SDF4: variants seen among roughly 807,000 people sequenced by gnomAD.
SDF4 encodes 45 kDa calcium-binding protein.
In SDF4, 22 loss-of-function variants were observed where a neutral mutation model predicts 34.2. That is an observed-to-expected ratio of 0.64 (90% confidence interval 0.46 to 0.92). SDF4 has a LOEUF of 0.92. Among genes scored for constraint, SDF4 ranks in the 40% least tolerant of loss-of-function variants. The probability of loss-of-function intolerance (pLI) is 0.00; values close to 1 mark genes in which losing one functional copy is unlikely to be tolerated. For synonymous variants in SDF4, 236 were observed against 203.1 expected, an observed-to-expected ratio of 1.16 and a Z score of -1.38; for missense variants, 447 against 499.9, an observed-to-expected ratio of 0.89 and a Z score of 1.01.
In SDF4 at chr1:1,218,773, G is replaced by C. The variant is rs767139414; in HGVS notation, c.711C>G (p.Asp237Glu). The C allele has an allele frequency of 9.9e-6, 16 of 1,612,196 alleles. No homozygotes were observed. Among genetic ancestry groups the C allele is most frequent in the South Asian group, 2.2e-5 (2 of 91,050 alleles). The change falls in exon 5 of 7, where the codon GAC becomes GAG. Residue 237 changes from aspartate to glutamate, a missense_variant. Asp to Glu is a conservative substitution (Grantham distance 45, BLOSUM62 2). Transcript: ENST00000360001. The surrounding 1 kb of genome is among the most constrained non-coding windows in gnomAD (Gnocchi z 7.9). ...LRFMVKEIVR[D>E]LDQDGDKQLS... ...CCAGGCTGGACCCAGCCTCACCCAG[G>C]TCCCGGACGATCTCCTTCACCATGA...
chr1:1,220,208 TG>T (rs1261297946), intron 4 of SDF4: 11 of 992,476 alleles, frequency 1.1e-5, no homozygotes, highest in Non-Finnish European at 1.3e-5. Flanking sequence ...GGGCCTCTGC[TG>T]TTAGGGAAGG....
At chr1:1,228,415 A>G (rs1638379016) in intron 2 of SDF4, 53 bp downstream of exon 2, 3 of 1,520,572 alleles carry the variant, frequency 2.0e-6, no homozygotes, top group Non-Finnish European at 2.6e-6. Flanking sequence ...ATAGGAACAC[A>G]CAGGCGAGCG....
chr1:1,223,193 GCA>G, intron 4 of SDF4, 49 bp downstream of exon 4: 1 of 1,237,630 alleles, frequency 8.1e-7, no homozygotes, highest in Non-Finnish European at 1.2e-6. Flanking sequence ...ACACACGCGC[GCA>G]CACACAGGAT....
chr1:1,218,591 G>C lies in SDF4; in HGVS notation c.758C>G (p.Ser253Cys). Residue 253 changes from serine (S) to cysteine (C), a missense_variant, in exon 6 of 7, where the codon TCC becomes TGC. By Grantham distance (112) the Ser-to-Cys change is moderately radical. Coordinates refer to ENST00000360001, the MANE Select transcript of SDF4 (RefSeq NM_016176.6). This position sits in a 1 kb window ranked among gnomAD's most constrained non-coding sequence, Gnocchi z 7.9. ...GTTCTCCACGGTGCCCACGGGCAGG[G>C]AGATGAACTCGGGCACAGAGAGCTG... is the stretch of plus-strand genomic sequence containing the variant. Reference protein sequence around the residue: ...DKQLSVPEFISLPVGTVENQQ... With the variant: ...DKQLSVPEFICLPVGTVENQQ... The C allele has an allele frequency of 6.2e-7, 1 of 1,614,096 alleles. No individual in the cohort carries two copies. Among genetic ancestry groups the C allele is most frequent in the East Asian group, 2.2e-5 (1 of 44,888 alleles).
At chr1:1,230,054 A>C (rs1638445226) in intron 1 of SDF4, among the ~76,000 whole-genome samples, 1 of 152,230 alleles carries the variant, frequency 6.6e-6, no homozygotes, top group South Asian at 2.1e-4. Flanking sequence ...ACAGGGCCTC[A>C]TGCCTCATGT....
rs745423534 is a variant in SDF4, at chr1:1,223,787, C to CCCGCCCCGCCCA, written c.442+33_442+44dup. ...GCACCAGGCAAGGCCCATGGCCCTG[C>CCCGCCCCGCCCA]CCGCCCCGCCCACCGCCCCACCCAC... On this transcript the variant is annotated intron_variant, in intron 3 of 6. Coordinates refer to ENST00000360001, the MANE Select transcript of SDF4 (RefSeq NM_016176.6). 6 of 368,472 alleles carry CCCGCCCCGCCCA rather than the reference C, an allele frequency of 1.6e-5. No individual in the cohort carries two copies. The Admixed American group carries it at 2.0e-4, about 12-fold the overall frequency. 22.8% of individuals were successfully genotyped at this position (368,472 alleles called of 1,614,324 possible).
At chr1:1,219,290 C>T in intron 4 of SDF4, 2 of 1,179,486 alleles carry the variant, frequency 1.7e-6, no homozygotes, top group Non-Finnish European at 2.1e-6. Context: ...GCCTGGACCC[C>T]CCACACAGCC....
chr1:1,229,063 C>A, intron 1 of SDF4, 117 bp from the exon 2 acceptor site: 1 of 438,926 alleles, frequency 2.3e-6, no homozygotes, highest in South Asian at 3.3e-5. Context: ...GTGGCATCGC[C>A]TTCTCCAGAC....
At chr1:1,224,759 C>G (rs907911350) in intron 2 of SDF4, among the ~76,000 whole-genome samples, 2 of 152,236 alleles carry the variant, frequency 1.3e-5, no homozygotes, top group South Asian at 4.2e-4. Flanking sequence ...AAAACAATTA[C>G]GAAAATTCGC....
intron 2 of SDF4, among the ~76,000 whole-genome samples, chr1:1,227,654 G>A (rs564954639): frequency 4.6e-5 from 7 of 152,320 alleles, no homozygotes; most frequent in East Asian, 3.9e-4. Flanking sequence ...TGAGGCCAGC[G>A]CTGAGTGCAA....
chr1:1,219,287 C>T (rs1649759679), intron 4 of SDF4: 2 of 1,177,962 alleles, frequency 1.7e-6, no homozygotes, highest in Non-Finnish European at 2.1e-6. Flanking sequence ...ATGGCCTGGA[C>T]CCCCCACACA....
intron 4 of SDF4, chr1:1,220,009 C>T (rs951103160): frequency 1.0e-6 from 1 of 985,792 alleles, no homozygotes; most frequent in Non-Finnish European, 1.2e-6. Context: ...TCCCTGTCTG[C>T]TCCACCGCAG....
At chr1:1,219,281 C>T in intron 4 of SDF4, 2 of 1,177,804 alleles carry the variant, frequency 1.7e-6, no homozygotes, top group East Asian at 6.3e-5. Context: ...CAGGACATGG[C>T]CTGGACCCCC....
chr1:1,220,192 C>A, intron 4 of SDF4: 1 of 991,136 alleles, frequency 1.0e-6, no homozygotes, highest in Non-Finnish European at 1.2e-6. Context: ...TCCCTCCCCA[C>A]GAGCCGGGCC....
At chr1:1,223,719 T>A (rs1650115425) in intron 3 of SDF4, 113 bp downstream of exon 3, 1 of 1,046,334 alleles carries the variant, frequency 9.6e-7, no homozygotes, top group African/African-American at 1.6e-5. Context: ...GGCTGACACT[T>A]CCCCACCGCC....
At chr1:1,226,114 C>T (rs975875510) in intron 2 of SDF4, among the ~76,000 whole-genome samples, 1 of 152,264 alleles carries the variant, frequency 6.6e-6, no homozygotes, top group Non-Finnish European at 1.5e-5. Context: ...CAGACCCTGG[C>T]TTCCAGCTCC....
Position 1,218,473 on chromosome 1 carries a change from G to A in SDF4, c.876C>T (p.Thr292=), listed in dbSNP as rs747358086. 1.9e-5 allele frequency: 31 copies of A among 1,612,268 alleles called. No individual in the cohort carries two copies. The highest frequency in any genetic ancestry group is 1.7e-4 in the Middle Eastern group (1 of 6,060). Residue 292 remains threonine, a synonymous_variant, in exon 6 of 7, where the codon ACC becomes ACT. Coordinates refer to ENST00000360001, the MANE Select transcript of SDF4 (RefSeq NM_016176.6). This position sits in a 1 kb window ranked among gnomAD's most constrained non-coding sequence, Gnocchi z 7.9. Reference sequence around the variant, plus strand: ...CAGGGCTCACCTCCAGCTCCTCGGCGGTCACGATGCCGTCGTGGTTGGAGT... The same window carrying A: ...CAGGGCTCACCTCCAGCTCCTCGGCAGTCACGATGCCGTCGTGGTTGGAGT... ...LIDSNHDGIV[T]AEELESYMDP...
intron 1 of SDF4, among the ~76,000 whole-genome samples, chr1:1,229,797 T>C (rs565933545): frequency 4.6e-5 from 7 of 151,856 alleles, no homozygotes; most frequent in Non-Finnish European, 8.8e-5. Flanking sequence ...GCTCCCCCTC[T>C]CCCCCCGACT....
chr1:1,220,606 A>C (rs1339040702), intron 4 of SDF4: 4 of 1,288,728 alleles, frequency 3.1e-6, no homozygotes, highest in Admixed American at 4.6e-5. Flanking sequence ...AGGGAACAGC[A>C]CCTCAGCATG....
Sources: gnomAD v4.1 joint callset for allele counts (sites outside exome capture counted in the v4.1 genomes callset) on GRCh38, gnomAD v4.1.1 for gene constraint, Gnocchi (gnomAD v3.1) non-coding constraint, MANE v1.5 for transcripts, NCBI Gene and HGNC (gene_info 2026-07-23, HGNC 2026-07-21) for gene names.